Variants in PCDH15 observed in about 807,000 individuals in gnomAD.
The protein encoded by PCDH15 is protocadherin related 15, also known as protocadherin-15.
A neutral mutation model predicts 178.5 loss-of-function variants in PCDH15; 129 were observed. The observed-to-expected ratio is 0.72, with a 90% CI of 0.63 to 0.84. The LOEUF (loss-of-function observed/expected upper bound fraction) is 0.84, where lower values mean the gene tolerates loss of function less well. Among genes scored for constraint, PCDH15 ranks in the 40% least tolerant of loss-of-function variants. The pLI, the probability that PCDH15 is intolerant of heterozygous loss-of-function variation, is 0.00. For missense variants in PCDH15, 2,230 were observed against 2,099.9 expected (o/e 1.06, Z -1.21); for synonymous variants, 800 against 732.0 (o/e 1.09, Z -1.50).
chr10:53,978,659 T>G (rs116922287), intron 21 of PCDH15, among the ~76,000 whole-genome samples: 59,783 of 110,870 alleles, frequency 0.54, 12,274 homozygotes, highest in Middle Eastern at 0.64. Flanking sequence ...CAGAAAATGT[T>G]TTTTTTTTTT....
intron 3 of PCDH15, among the ~76,000 whole-genome samples, chr10:54,880,337 G>T (rs1179090133): frequency 8.6e-5 from 13 of 152,016 alleles, no homozygotes; most frequent in Admixed American, 3.9e-4. Context: ...ATTTTTCAGA[G>T]GAGTTTTTAA....
chr10:55,385,164 G>A (rs1019580906), intron 2 of PCDH15, among the ~76,000 whole-genome samples: 8 of 152,088 alleles, frequency 5.3e-5, no homozygotes, highest in East Asian at 3.9e-4. Context: ...GAAAATTTAC[G>A]TGTTTGGCCT....
chr10:54,033,823 G>C (rs1356344830), intron 18 of PCDH15, among the ~76,000 whole-genome samples: 2 of 151,770 alleles, frequency 1.3e-5, no homozygotes, highest in East Asian at 3.9e-4. Context: ...TGCTTATCAG[G>C]TGTTTTTATA....
chr10:54,662,648 T>C (rs1247225925), intron 2 of PCDH15, among the ~76,000 whole-genome samples: 1 of 151,968 alleles, frequency 6.6e-6, no homozygotes, highest in Non-Finnish European at 1.5e-5. Context: ...CCAGAAGTGA[T>C]TTCCTCTGTT....
At chr10:54,489,771 A>G (rs1222566142) in intron 3 of PCDH15, among the ~76,000 whole-genome samples, 2 of 152,132 alleles carry the variant, frequency 1.3e-5, no homozygotes, top group African/African-American at 4.8e-5. Context: ...AGATCTTACT[A>G]TTCTTTATCC....
At chr10:54,185,782 TATAA>T (rs1192997884) in intron 11 of PCDH15, among the ~76,000 whole-genome samples, 12 of 152,072 alleles carry the variant, frequency 7.9e-5, no homozygotes, top group Non-Finnish European at 1.5e-4. Flanking sequence ...ATTCATTACC[TATAA>T]ATATCATGCT....
intron 32 of PCDH15, chr10:53,823,471 C>T (rs1180811093): frequency 1.0e-6 from 1 of 980,746 alleles, no homozygotes; most frequent in South Asian, 1.3e-5. Flanking sequence ...ACATCAAAGG[C>T]CAAACAACAC....
chr10:54,456,707 C>T (rs1284612766), intron 3 of PCDH15, among the ~76,000 whole-genome samples: 1 of 152,020 alleles, frequency 6.6e-6, no homozygotes, highest in Non-Finnish European at 1.5e-5. Flanking sequence ...TTGGCTGTGT[C>T]CCCACCCAAA....
chr10:54,600,816 C>G, intron 2 of PCDH15: 1 of 376,202 alleles, frequency 2.7e-6, no homozygotes, highest in Non-Finnish European at 5.1e-6. Context: ...TATGAGGAGA[C>G]TGCATGCAAG....
At chr10:54,114,769 C>A (rs994781638) in intron 15 of PCDH15, among the ~76,000 whole-genome samples, 1 of 152,060 alleles carries the variant, frequency 6.6e-6, no homozygotes, top group Non-Finnish European at 1.5e-5. Context: ...AACAAGGAGC[C>A]TTTCAGGTAG....
chr10:53,919,732 T>C (rs1419172226), intron 25 of PCDH15, among the ~76,000 whole-genome samples: 1 of 152,148 alleles, frequency 6.6e-6, no homozygotes, highest in Non-Finnish European at 1.5e-5. Flanking sequence ...TTGTGATTTA[T>C]GGGGAGTGGG....
intron 34 of PCDH15, among the ~76,000 whole-genome samples, chr10:53,817,763 A>G (rs746152287): frequency 6.6e-6 from 1 of 152,168 alleles, no homozygotes; most frequent in South Asian, 2.1e-4. Context: ...AACAAAATAC[A>G]TGTATCCTTA....
chr10:53,960,673 C>G (rs1589635248), intron 22 of PCDH15, among the ~76,000 whole-genome samples: 1 of 152,246 alleles, frequency 6.6e-6, no homozygotes, highest in East Asian at 1.9e-4. Context: ...ACTAATTCAA[C>G]CTAGATCACA....
chr10:53,836,367 A>G (rs965081294), intron 29 of PCDH15, among the ~76,000 whole-genome samples: 1 of 152,264 alleles, frequency 6.6e-6, no homozygotes, highest in Middle Eastern at 3.4e-3. Flanking sequence ...CCTCTTCCTT[A>G]TAAGAGTGGA....
intron 16 of PCDH15, among the ~76,000 whole-genome samples, chr10:54,086,407 A>G (rs1020179173): frequency 6.6e-6 from 1 of 152,150 alleles, no homozygotes; most frequent in African/African-American, 2.4e-5. Context: ...CATCTCCAAC[A>G]TGAGGGATCG....
At chr10:54,833,951 ATT>A in intron 3 of PCDH15, among the ~76,000 whole-genome samples, 1 of 152,186 alleles carries the variant, frequency 6.6e-6, no homozygotes, top group African/African-American at 2.4e-5. Context: ...ATATTTTAAT[ATT>A]TTTAACAATA....
intron 2 of PCDH15, among the ~76,000 whole-genome samples, chr10:54,961,702 T>C (rs1838659322): frequency 6.6e-6 from 1 of 152,192 alleles, no homozygotes; most frequent in Non-Finnish European, 1.5e-5. Flanking sequence ...AGTTAGAAGC[T>C]ACCCACTTTG....
intron 1 of PCDH15, among the ~76,000 whole-genome samples, chr10:54,793,687 T>C (rs1237410449): frequency 6.7e-6 from 1 of 148,364 alleles, no homozygotes; most frequent in African/African-American, 2.5e-5. Context: ...CACACATATA[T>C]ATACATATAT....
Position 53,818,973 on chromosome 10 carries a change from CTG to C in PCDH15, c.4434-962_4434-961del, listed in dbSNP as rs560753181. 2.0e-5 allele frequency among the ~76,000 whole-genome samples: 3 copies of C among 151,806 alleles called. No homozygotes were observed. The East Asian group carries it at 5.9e-4, about 30-fold the overall frequency. ...ATGGTTTATGCATTGTATATTGAAACTGTTTGTAAAAAAAAGTAAATACAATG... is the reference window on the plus strand; with the variant it reads ...ATGGTTTATGCATTGTATATTGAAACTTTGTAAAAAAAAGTAAATACAATG... On this transcript the variant is annotated intron_variant, in intron 33 of 37. Coordinates refer to ENST00000644397, the MANE Select transcript of PCDH15 (RefSeq NM_001384140.1).
Sources: allele counts gnomAD v4.1 joint callset (sites outside exome capture counted in the v4.1 genomes callset), GRCh38; gene constraint gnomAD v4.1.1; transcripts MANE v1.5; gene names NCBI Gene and HGNC (gene_info 2026-07-23, HGNC 2026-07-21).